Variants in FAM227B observed in about 807,000 individuals in gnomAD.
FAM227B encodes protein FAM227B.
Under a neutral mutation model 73.8 loss-of-function variants are expected in FAM227B, and 88 were observed. The observed-to-expected ratio is 1.19, with a 90% CI of 1.00 to 1.42. The LOEUF is 1.42. FAM227B is among the 40% of genes most tolerant of loss of function. The pLI, the probability that FAM227B is intolerant of heterozygous loss-of-function variation, is 0.00. For missense variants in FAM227B, 632 were observed against 590.9 expected, an observed-to-expected ratio of 1.07 and a Z score of -0.72; for synonymous variants, 210 against 190.5, an observed-to-expected ratio of 1.10 and a Z score of -0.84.
chr15:49,507,693 C>T (rs2058681792), intron 11 of FAM227B, among the ~76,000 whole-genome samples: 1 of 151,820 alleles, frequency 6.6e-6, no homozygotes, highest in Admixed American at 6.6e-5. Flanking sequence ...TTCAAGTAGG[C>T]TCTAAGTGGA....
At chr15:49,415,145 C>T (rs1327225685) in intron 11 of FAM227B, among the ~76,000 whole-genome samples, 1 of 152,148 alleles carries the variant, frequency 6.6e-6, no homozygotes, top group Admixed American at 6.6e-5. Flanking sequence ...TTGCTACTAA[C>T]ACATTGATAT....
At chr15:49,372,454 T>C (rs1175742355) in intron 11 of FAM227B, among the ~76,000 whole-genome samples, 1 of 152,156 alleles carries the variant, frequency 6.6e-6, no homozygotes, top group African/African-American at 2.4e-5. Flanking sequence ...CTTTTGCTTC[T>C]AAGTCCAAAG....
intron 11 of FAM227B, among the ~76,000 whole-genome samples, chr15:49,458,330 A>G (rs143265727): frequency 6.6e-6 from 1 of 152,186 alleles, no homozygotes; most frequent in Non-Finnish European, 1.5e-5. Flanking sequence ...TAATCCACAA[A>G]TAAGCTATTA....
intron 13 of FAM227B, among the ~76,000 whole-genome samples, chr15:49,350,051 C>T (rs958911324): frequency 5.3e-5 from 8 of 152,178 alleles, no homozygotes; most frequent in African/African-American, 1.7e-4. Flanking sequence ...GAAGGCTGCA[C>T]GTGACAAAGT....
In FAM227B at chr15:49,594,931, T is replaced by G. The variant is rs2076804759; in HGVS notation, c.106-4924A>C. ...GGCATTTTTTTGGTTACATATAAAT[T>G]TTAGGACTGTTTTTTCTAGTTCTGT... On this transcript the variant is annotated intron_variant, in intron 3 of 15. Transcript: ENST00000299338. Among the ~76,000 whole-genome samples the G allele has an allele frequency of 2.0e-5, 3 of 152,112 alleles. No individual in the cohort carries two copies. The South Asian group carries it at 6.2e-4, about 31-fold the overall frequency.
chr15:49,612,127 A>T (rs149091636), intron 2 of FAM227B, among the ~76,000 whole-genome samples: 2 of 150,946 alleles, frequency 1.3e-5, no homozygotes, highest in Non-Finnish European at 2.9e-5. Context: ...GTTTTAGGGT[A>T]CATGTGTACA....
intron 9 of FAM227B, among the ~76,000 whole-genome samples, chr15:49,560,503 A>C (rs1009361257): frequency 6.6e-6 from 1 of 152,160 alleles, no homozygotes; most frequent in African/African-American, 2.4e-5. Context: ...AGAGGTAGAC[A>C]TCCAAATTTA....
intron 9 of FAM227B, among the ~76,000 whole-genome samples, chr15:49,552,723 A>C (rs1023075329): frequency 6.6e-6 from 1 of 151,720 alleles, no homozygotes; most frequent in Non-Finnish European, 1.5e-5. Context: ...CAAGCTCACT[A>C]ATTCTTTCTT....
At position 49,619,045 on chromosome 15, in the gene FAM227B, ACTTT is replaced by A. The variant is rs112070913; in HGVS notation, c.-73+1651_-73+1654del. 4.6e-3 allele frequency among the ~76,000 whole-genome samples: 707 copies of A among 152,284 alleles called. 7 individuals are homozygous for A. The highest frequency in any genetic ancestry group is 0.016 in the African/African-American group (670 of 41,548). On this transcript the variant is annotated intron_variant, in intron 1 of 15. Coordinates refer to ENST00000299338, the MANE Select transcript of FAM227B (RefSeq NM_152647.3). ...GAGTTAACCTTGGGTAATTTGCCAT[ACTTT>A]CTTTCTTGTCAAACAAGCTAGTCCT... is the stretch of plus-strand genomic sequence containing the variant.
Position 49,342,861 on chromosome 15 carries a change from C to G in FAM227B, c.1272-7365G>C, listed in dbSNP as rs188795300. On this transcript the variant is annotated intron_variant, in intron 13 of 15. Coordinates refer to ENST00000299338, the MANE Select transcript of FAM227B (RefSeq NM_152647.3). ...AATGCTGAAAATAGGCCCCCAATCT[C>G]TCCTGGCTTATAAGGTTTTTGCTGA... 4.1e-3 allele frequency among the ~76,000 whole-genome samples: 630 copies of G among 152,286 alleles called. 8 individuals carry two copies. The highest frequency in any genetic ancestry group is 0.014 in the African/African-American group (601 of 41,554).
chr15:49,500,891 G>T (rs1399431565), intron 11 of FAM227B, among the ~76,000 whole-genome samples: 1 of 152,040 alleles, frequency 6.6e-6, no homozygotes, highest in African/African-American at 2.4e-5. Context: ...AAATTGTGTG[G>T]CACCTCTGCC....
Position 49,331,847 on chromosome 15 carries a change from A to G in FAM227B, c.1352T>C (p.Leu451Pro). ...FARNQKDFRI[L>P]QAKATKKPHE... ...AGGTTTCTTGGTAGCCTTTGCTTGG[A>G]GTCTAATCATGGAATAAAGAAAATC... is the stretch of plus-strand genomic sequence containing the variant. The change falls in exon 15 of 16, where the codon CTC becomes CCC. Residue 451 changes from leucine to proline, a missense_variant and splice_region_variant. Transcript: ENST00000299338. 6.2e-7 allele frequency: 1 copy of G among 1,602,670 alleles called. No homozygotes were observed. Among genetic ancestry groups the G allele is most frequent in the Non-Finnish European group, 8.5e-7 (1 of 1,169,698 alleles).
At chr15:49,368,943 GTTGT>G (rs2045580375) in intron 12 of FAM227B, among the ~76,000 whole-genome samples, 1 of 152,022 alleles carries the variant, frequency 6.6e-6, no homozygotes, top group Non-Finnish European at 1.5e-5. Flanking sequence ...ATCCCGTGGT[GTTGT>G]TTTTGTTTTG....
chr15:49,458,785 T>A (rs2053541536), intron 11 of FAM227B, among the ~76,000 whole-genome samples: 1 of 152,172 alleles, frequency 6.6e-6, no homozygotes. Context: ...AAATTTATTC[T>A]ATAAATTCAA....
At chr15:49,576,591 A>G (rs2075457420) in intron 7 of FAM227B, 150 bp downstream of exon 7, 6 of 592,576 alleles carry the variant, frequency 1.0e-5, no homozygotes, top group Non-Finnish European at 1.2e-5. Context: ...ATTAGCGGTT[A>G]GACACATCAC....
intron 11 of FAM227B, among the ~76,000 whole-genome samples, chr15:49,414,774 A>AT (rs1167113594): frequency 6.6e-6 from 1 of 152,062 alleles, no homozygotes; most frequent in Non-Finnish European, 1.5e-5. Flanking sequence ...TAGAATTGAC[A>AT]TTTTTTGGAA....
Position 49,615,134 on chromosome 15 carries a change from C to G in FAM227B, c.38G>C (p.Arg13Thr), listed in dbSNP as rs750338717. The change falls in exon 2 of 16, where the codon AGA becomes ACA. Residue 13 changes from arginine (R) to threonine (T), a missense_variant. By Grantham distance (71) the Arg-to-Thr change is moderately conservative. Transcript: ENST00000299338. ...GQRTCQRRSS[R>T]AGPGKMQEPP... ...AAGCTTCCTTACCCCGGGGCCAGCT[C>G]TGCTGCTCCTCCTTTGACATGTTCG... The G allele has an allele frequency of 1.2e-6, 2 of 1,614,076 alleles. No individual in the cohort carries two copies. The highest frequency in any genetic ancestry group is 1.7e-6 in the Non-Finnish European group (2 of 1,179,934).
intron 11 of FAM227B, among the ~76,000 whole-genome samples, chr15:49,430,284 T>C (rs1342558847): frequency 6.6e-6 from 1 of 151,840 alleles, no homozygotes. Flanking sequence ...TTCTGACACT[T>C]TAAAGTGGTG....
rs557861497 is a variant in FAM227B at position 49,499,038 on chromosome 15, C to T, written c.1012+9173G>A. ...AAAATTAGCCGGGCGTAGTGGCGGGCGCCTGTAGTCCCAGCTACTTGGGAG... is the reference window on the plus strand; with the variant it reads ...AAAATTAGCCGGGCGTAGTGGCGGGTGCCTGTAGTCCCAGCTACTTGGGAG... On this transcript the variant is annotated intron_variant, in intron 11 of 15. Transcript: ENST00000299338. Among the ~76,000 whole-genome samples, 672 of 149,256 alleles carry T rather than the reference C, an allele frequency of 4.5e-3. 6 individuals carry two copies. Among genetic ancestry groups the T allele is most frequent in the African/African-American group, 0.016 (637 of 40,952 alleles).
Sources: gnomAD v4.1 joint callset for allele counts (sites outside exome capture counted in the v4.1 genomes callset) on GRCh38, gnomAD v4.1.1 for gene constraint, MANE v1.5 for transcripts, NCBI Gene and HGNC (gene_info 2026-07-23, HGNC 2026-07-21) for gene names.